The following TNRC18 variants were observed in gnomAD, a reference collection of about 807,000 sequenced individuals.
The protein encoded by TNRC18 is trinucleotide repeat-containing gene 18 protein.
TNRC18 carries 69 observed loss-of-function variants against 226.7 expected under a neutral mutation model. That is an observed-to-expected ratio of 0.30 (90% CI 0.25 to 0.37). The LOEUF (loss-of-function observed/expected upper bound fraction) is 0.37, where lower values mean the gene tolerates loss of function less well. Among genes scored for constraint, TNRC18 ranks in the 10% least tolerant of loss-of-function variants. TNRC18 has a pLI of 1.00. For missense variants in TNRC18, 4,754 were observed against 4,256.6 expected (o/e 1.12, Z -3.25); for synonymous variants, 2,449 against 1,927.6 (o/e 1.27, Z -7.09).
intron 5 of TNRC18, among the ~76,000 whole-genome samples, chr7:5,387,273 C>CCAGA (rs1287183508): frequency 6.6e-6 from 1 of 152,188 alleles, no homozygotes; most frequent in Non-Finnish European, 1.5e-5. Context: ...CTACTACGTG[C>CCAGA]CAGAGCCCAG....
chr7:5,321,028 G>T (rs748607426), intron 22 of TNRC18, 45 bp downstream of exon 22: 65 of 1,374,270 alleles, frequency 4.7e-5, no homozygotes, highest in Non-Finnish European at 6.4e-5. Flanking sequence ...ACACGGGGCG[G>T]GTATGGGACA....
Position 5,388,702 on chromosome 7 carries a change from GA to G in TNRC18, c.1121del (p.Phe374SerfsTer216). 1 of 1,265,906 alleles carries G rather than the reference GA, an allele frequency of 7.9e-7. No individual in the cohort carries two copies. Among genetic ancestry groups the G allele is most frequent in the Non-Finnish European group, 1.0e-6 (1 of 1,003,546 alleles). 78.4% of individuals were successfully genotyped at this position (1,265,906 alleles called of 1,614,324 possible). A position where few individuals can be genotyped will look rare whatever the true frequency, so the allele number is the denominator to read the frequency against. On this transcript the variant is annotated frameshift_variant, in exon 5 of 30. Transcript: ENST00000430969. LOFTEE classifies it high-confidence loss of function. ...CGTCGAAGGCCTCCACGGAAGGCAC[GA>G]AGGTGGGCGCCACCACGCGGTGCTC... is the stretch of plus-strand genomic sequence containing the variant. Reference protein sequence around the residue: ...GREHRVVAPTFVPSVEAFDER... With the variant: ...GREHRVVAPTXVPSVEAFDER...
chr7:5,400,522 G>C (rs891248447), intron 2 of TNRC18, among the ~76,000 whole-genome samples: 1 of 152,108 alleles, frequency 6.6e-6, no homozygotes, highest in African/African-American at 2.4e-5. Context: ...TTAGGAAGGA[G>C]AATCACTTGA....
rs1281376861 is a variant in TNRC18, at chr7:5,376,878, C to A, written c.2577G>T (p.Val859=). 28 of 1,611,476 alleles carry A rather than the reference C, an allele frequency of 1.7e-5. No individual in the cohort carries two copies. The highest frequency in any genetic ancestry group is 2.4e-5 in the Non-Finnish European group (28 of 1,178,926). ...GAGGAAGGTGATCACTGGGAATGAC[C>A]ACCAGCTGGCCCGATTGGGGGTCCC... ...FVRDPQSGQL[V]VIPSDHLPHF... is the part of the protein sequence containing the mutation. The change falls in exon 8 of 30, where the codon GTG becomes GTT. Residue 859 remains valine, a synonymous_variant. Coordinates refer to ENST00000430969, the MANE Select transcript of TNRC18 (RefSeq NM_001080495.3).
intron 18 of TNRC18, among the ~76,000 whole-genome samples, chr7:5,334,732 A>G (rs1789913564): frequency 6.6e-6 from 1 of 152,046 alleles, no homozygotes; most frequent in Non-Finnish European, 1.5e-5. Context: ...CAGTCCCCCC[A>G]GAGATCCACT....
chr7:5,347,583 T>C (rs1791337927), intron 17 of TNRC18, among the ~76,000 whole-genome samples: 1 of 152,040 alleles, frequency 6.6e-6, no homozygotes, highest in Non-Finnish European at 1.5e-5. Context: ...GAGGATCGCC[T>C]GAGCTCAGGA....
chr7:5,366,615 C>T (rs1051350090), intron 11 of TNRC18, among the ~76,000 whole-genome samples: 1 of 152,150 alleles, frequency 6.6e-6, no homozygotes, highest in African/African-American at 2.4e-5. Flanking sequence ...TGAGCCACCG[C>T]GGCTGGCCGC....
chr7:5,310,500 G>A (rs1787063429), intron 27 of TNRC18, among the ~76,000 whole-genome samples: 1 of 152,188 alleles, frequency 6.6e-6, no homozygotes, highest in Non-Finnish European at 1.5e-5. Context: ...CTCCCAGAGT[G>A]CTGGGATTAC....
chr7:5,402,175 T>G (rs1453286429), intron 2 of TNRC18, among the ~76,000 whole-genome samples: 1 of 94,110 alleles, frequency 1.1e-5, no homozygotes, highest in African/African-American at 6.1e-5. Flanking sequence ...CGAGACTCTG[T>G]CTCAAAAAAA....
intron 18 of TNRC18, among the ~76,000 whole-genome samples, chr7:5,344,846 G>A (rs1179855978): frequency 6.6e-6 from 1 of 152,144 alleles, no homozygotes; most frequent in Admixed American, 6.5e-5. Context: ...GCCCACGAGA[G>A]GGTCCCAAGA....
intron 2 of TNRC18, among the ~76,000 whole-genome samples, chr7:5,397,131 G>A (rs1182604030): frequency 3.3e-5 from 5 of 151,618 alleles, no homozygotes; most frequent in African/African-American, 7.3e-5. Context: ...CCGGACTCCA[G>A]CGCCAAGCCC....
intron 2 of TNRC18, chr7:5,420,193 C>T: frequency 2.9e-6 from 1 of 344,246 alleles, no homozygotes; most frequent in African/African-American, 2.2e-5. Flanking sequence ...ACCGTCCCCA[C>T]CGCGCCTGGG....
Position 5,388,048 on chromosome 7 carries a change from A to G in TNRC18, c.1776T>C (p.Ser592=), listed in dbSNP as rs1253628998. Residue 592 remains serine, a synonymous_variant, in exon 5 of 30, where the codon AGT becomes AGC. Transcript: ENST00000430969. ...CCACGGCGTCCCGGGCAAAGCTGCC[A>G]CTGTACTTTATAAGGCTCTGCATGG... ...ASAMQSLIKY[S]GSFARDAVAV... The G allele has an allele frequency of 6.4e-7, 1 of 1,561,902 alleles. No individual in the cohort carries two copies. The highest frequency in any genetic ancestry group is 8.7e-7 in the Non-Finnish European group (1 of 1,153,862).
chr7:5,359,189 G>T (rs536766123), intron 15 of TNRC18, among the ~76,000 whole-genome samples: 14 of 152,310 alleles, frequency 9.2e-5, no homozygotes, highest in African/African-American at 2.4e-4. Context: ...GCTGTGTTAC[G>T]TCGGTAGGTC....
rs1485845129 is a variant in TNRC18, at chr7:5,394,748, T to C, written c.188-153A>G. On this transcript the variant is annotated intron_variant, in intron 2 of 29. Coordinates refer to ENST00000430969, the MANE Select transcript of TNRC18 (RefSeq NM_001080495.3). The surrounding 1 kb of genome is among the most constrained non-coding windows in gnomAD (Gnocchi z 4.5). ...AGGAGACCAAAGAGGGTTCCCCTGCTCCGGCCCCACCCCTGGGCTGCAAGA... is the reference window on the plus strand; with the variant it reads ...AGGAGACCAAAGAGGGTTCCCCTGCCCCGGCCCCACCCCTGGGCTGCAAGA... Among the ~76,000 whole-genome samples the C allele has an allele frequency of 6.6e-6, 1 of 150,420 alleles. No homozygotes were observed. Among genetic ancestry groups the C allele is most frequent in the African/African-American group, 2.5e-5 (1 of 40,716 alleles).
chr7:5,368,460 C>G (rs1189969368), intron 11 of TNRC18, among the ~76,000 whole-genome samples: 2 of 152,030 alleles, frequency 1.3e-5, no homozygotes, highest in South Asian at 2.1e-4. Context: ...GTCAGGAGTA[C>G]GAGACCAGCC....
intron 18 of TNRC18, 41 bp downstream of exon 18, chr7:5,345,521 C>CCCCCCCCCCCCCCCCCCCCCCCCCCACCA: frequency 5.3e-6 from 1 of 189,874 alleles, no homozygotes; most frequent in Non-Finnish European, 1.1e-5. Flanking sequence ...GCGTCCGCCC[C>CCCCCCCCCCCCCCCCCCCCCCCCCCACCA]TCCCACCCAC....
rs1791873158 is a variant in TNRC18 at position 5,351,985 on chromosome 7, G to A, written c.5304C>T (p.Asn1768=). ...PSLLCSMVAK[N]SKAAGGPKLT... is the part of the protein sequence containing the mutation. The stretch of plus-strand genomic sequence containing the variant: ...GCTTGGGGCCACCAGCTGCCTTGCT[G>A]TTCTTTGCCACCATGCTACACAGGA... The change falls in exon 17 of 30, where the codon AAC becomes AAT. Residue 1768 remains asparagine, a synonymous_variant. Transcript: ENST00000430969. 3 of 1,614,016 alleles carry A rather than the reference G, an allele frequency of 1.9e-6. No homozygotes were observed. Among genetic ancestry groups the A allele is most frequent in the African/African-American group, 1.3e-5 (1 of 75,066 alleles).
At chr7:5,373,069 A>G (rs1794311860) in intron 10 of TNRC18, among the ~76,000 whole-genome samples, 1 of 152,058 alleles carries the variant, frequency 6.6e-6, no homozygotes, top group African/African-American at 2.4e-5. Flanking sequence ...GAGGCAGGAG[A>G]ATCGTTTGAA....
Sources: gnomAD v4.1 joint callset for allele counts (sites outside exome capture counted in the v4.1 genomes callset) on GRCh38, gnomAD v4.1.1 for gene constraint, Gnocchi (gnomAD v3.1) non-coding constraint, MANE v1.5 for transcripts, NCBI Gene and HGNC (gene_info 2026-07-23, HGNC 2026-07-21) for gene names.